The following CRYGN variants were observed in gnomAD, a reference collection of about 807,000 sequenced individuals.
The protein encoded by CRYGN is crystallin gamma N, also known as gamma-crystallin N.
CRYGN carries 17 observed loss-of-function variants against 19.2 expected under a neutral mutation model. The observed-to-expected ratio is 0.89, with a 90% confidence interval of 0.61 to 1.33. The LOEUF is 1.33. Ranked by LOEUF, CRYGN falls within the 40% of genes most tolerant of loss-of-function variation. The pLI, the probability that CRYGN is intolerant of heterozygous loss-of-function variation, is 0.00. For missense variants in CRYGN, 239 were observed against 239.6 expected (o/e 1.00, Z 0.02); for synonymous variants, 84 against 85.8 (o/e 0.98, Z 0.12).
Position 151,430,050 on chromosome 7 carries a change from A to C in CRYGN, c.547T>G (p.Ter183GlyextTer35). Residue 183 changes from the stop codon to glycine (G), a stop_lost, in exon 4 of 4, where the codon TGA becomes GGA. Coordinates refer to ENST00000337323, the MANE Select transcript of CRYGN (RefSeq NM_144727.3). This position sits in a 1 kb window ranked among gnomAD's most constrained non-coding sequence, Gnocchi z 5.2. ...TQPPFLTANL[*>G] ...TTACATGTCAATCGGTTCCAGGCTCAGAGGTTTGCAGTCAGGAAAGGTGGC... is the reference window on the plus strand; with the variant it reads ...TTACATGTCAATCGGTTCCAGGCTCCGAGGTTTGCAGTCAGGAAAGGTGGC... The C allele has an allele frequency of 9.6e-7, 1 of 1,040,874 alleles. No individual in the cohort carries two copies. Among genetic ancestry groups the C allele is most frequent in the Non-Finnish European group, 1.5e-6 (1 of 655,934 alleles). The allele number at this position is 1,040,874 out of a possible 1,614,324, so 64.5% of individuals were successfully genotyped here. A position where few individuals can be genotyped will look rare whatever the true frequency, so the allele number is the denominator to read the frequency against.
chr7:151,429,986 A>C lies in CRYGN; in HGVS notation c.*62T>G, dbSNP rs1056905881. The C allele has an allele frequency of 1.3e-6, 1 of 794,154 alleles. No homozygotes were observed. The highest frequency in any genetic ancestry group is 1.7e-5 in the African/African-American group (1 of 59,304). 49.2% of individuals were successfully genotyped at this position (794,154 alleles called of 1,614,324 possible). On this transcript the variant is annotated 3_prime_UTR_variant, in exon 4 of 4. Coordinates refer to ENST00000337323, the MANE Select transcript of CRYGN (RefSeq NM_144727.3). Reference sequence around the variant, plus strand: ...AATGAAAACTGAGGGCATGATTTTAAGTAAACACTCTCCCGGCTCAGAAAC... The same window carrying C: ...AATGAAAACTGAGGGCATGATTTTACGTAAACACTCTCCCGGCTCAGAAAC...
At position 151,436,363 on chromosome 7, in the gene CRYGN, T is replaced by G; in HGVS notation, c.271-38A>C. 27 of 1,396,060 alleles carry G rather than the reference T, an allele frequency of 1.9e-5. No individual in the cohort carries two copies. The highest frequency in any genetic ancestry group is 5.3e-5 in the East Asian group (2 of 37,920). The allele number at this position is 1,396,060 out of a possible 1,614,324, so 86.5% of individuals were successfully genotyped here. A position where few individuals can be genotyped will look rare whatever the true frequency, so the allele number is the denominator to read the frequency against. ...GCAAAAAAGAAGGAAAGAAGGAGGT[T>G]GCTGTGAATTCCCCTCTCCCAGAAA... is the stretch of plus-strand genomic sequence containing the variant. On this transcript the variant is annotated intron_variant, in intron 2 of 3. Coordinates refer to ENST00000337323, the MANE Select transcript of CRYGN (RefSeq NM_144727.3). This position sits in a 1 kb window ranked among gnomAD's most constrained non-coding sequence, Gnocchi z 5.1.
chr7:151,432,031 G>T (rs1801480510), intron 3 of CRYGN: 1 of 432,904 alleles, frequency 2.3e-6, no homozygotes. Context: ...AGAGCACTCA[G>T]AAGCCGCCCG....
In CRYGN at chr7:151,429,734, G is replaced by T. The variant is rs1044286384; in HGVS notation, c.*314C>A. 1 of 413,454 alleles carries T rather than the reference G, an allele frequency of 2.4e-6. No individual in the cohort carries two copies. Among genetic ancestry groups the T allele is most frequent in the Non-Finnish European group, 4.5e-6 (1 of 224,158 alleles). The allele number at this position is 413,454 out of a possible 1,614,324, so 25.6% of individuals were successfully genotyped here. ...TACTACAGAGCCTGGCATTAAGTCAGTGCTCCATAAATATTCATCAACATC... is the reference window on the plus strand; with the variant it reads ...TACTACAGAGCCTGGCATTAAGTCATTGCTCCATAAATATTCATCAACATC... On this transcript the variant is annotated 3_prime_UTR_variant, in exon 4 of 4. Transcript: ENST00000337323.
intron 2 of CRYGN, chr7:151,437,763 G>C (rs928617079): frequency 2.0e-5 from 26 of 1,309,854 alleles, no homozygotes; most frequent in Non-Finnish European, 1.4e-5. Context: ...AACTTAAAGT[G>C]GTTTATTGAT....
chr7:151,436,360 G>GCA lies in CRYGN; in HGVS notation c.271-36_271-35insTG. Reference sequence around the variant, plus strand: ...CAAGCAAAAAAGAAGGAAAGAAGGAGGTTGCTGTGAATTCCCCTCTCCCAG... The same window carrying GCA: ...CAAGCAAAAAAGAAGGAAAGAAGGAGCAGTTGCTGTGAATTCCCCTCTCCCAG... On this transcript the variant is annotated intron_variant, in intron 2 of 3. Transcript: ENST00000337323. The surrounding 1 kb of genome is among the most constrained non-coding windows in gnomAD (Gnocchi z 5.1). 2 of 1,397,366 alleles carry GCA rather than the reference G, an allele frequency of 1.4e-6. No individual in the cohort carries two copies. Among genetic ancestry groups the GCA allele is most frequent in the Non-Finnish European group, 1.9e-6 (2 of 1,037,654 alleles). The allele number at this position is 1,397,366 out of a possible 1,614,324, so 86.6% of individuals were successfully genotyped here. A position where few individuals can be genotyped will look rare whatever the true frequency, so the allele number is the denominator to read the frequency against.
At position 151,436,168 on chromosome 7, in the gene CRYGN, G is replaced by GCCTGTACT. The variant is rs1436709893; in HGVS notation, c.416+4_416+11dup. 1 of 1,459,730 alleles carries GCCTGTACT rather than the reference G, an allele frequency of 6.9e-7. No individual in the cohort carries two copies. Among genetic ancestry groups the GCCTGTACT allele is most frequent in the Non-Finnish European group, 9.1e-7 (1 of 1,097,858 alleles). The allele number at this position is 1,459,730 out of a possible 1,614,324, so 90.4% of individuals were successfully genotyped here. A position where few individuals can be genotyped will look rare whatever the true frequency, so the allele number is the denominator to read the frequency against. ...CCGGGCCTCGGGGTGCGGCCACGTG[G>GCCTGTACT]CCTGTACTCACGCTCCGTCCCCGTA... On this transcript the variant is annotated intron_variant, in intron 3 of 3. Transcript: ENST00000337323. The surrounding 1 kb of genome is among the most constrained non-coding windows in gnomAD (Gnocchi z 5.1).
rs1048734189 is a variant in CRYGN, at chr7:151,433,937, C to T, written c.416+2243G>A. Among the ~76,000 whole-genome samples, 6 of 152,084 alleles carry T rather than the reference C, an allele frequency of 3.9e-5. No homozygotes were observed. Among genetic ancestry groups the T allele is most frequent in the Admixed American group, 6.5e-5 (1 of 15,278 alleles). ...GGCAGAACGCCAGTGCATTTCCCTC[C>T]GAGAGCCCACCAGGACACGGGTCTG... On this transcript the variant is annotated intron_variant, in intron 3 of 3. Coordinates refer to ENST00000337323, the MANE Select transcript of CRYGN (RefSeq NM_144727.3). The surrounding 1 kb of genome is among the most constrained non-coding windows in gnomAD (Gnocchi z 5.1).
intron 1 of CRYGN, chr7:151,439,268 A>AT (rs1789979825): frequency 6.6e-6 from 1 of 152,312 alleles, no homozygotes; most frequent in South Asian, 2.1e-4. Flanking sequence ...CACCTGGCCC[A>AT]TGCAGACTGA....
chr7:151,429,752 TCAA>T lies in CRYGN; in HGVS notation c.*293_*295del. 1 of 457,506 alleles carries T rather than the reference TCAA, an allele frequency of 2.2e-6. No individual in the cohort carries two copies. Among genetic ancestry groups the T allele is most frequent in the East Asian group, 4.3e-5 (1 of 23,510 alleles). 28.3% of individuals were successfully genotyped at this position (457,506 alleles called of 1,614,324 possible). A position where few individuals can be genotyped will look rare whatever the true frequency, so the allele number is the denominator to read the frequency against. On this transcript the variant is annotated 3_prime_UTR_variant, in exon 4 of 4. Transcript: ENST00000337323. ...TAAGTCAGTGCTCCATAAATATTCA[TCAA>T]CATCATCACCATCATCAGCTGTGGG... is the stretch of plus-strand genomic sequence containing the variant.
intron 2 of CRYGN, among the ~76,000 whole-genome samples, chr7:151,437,096 C>T (rs1801630693): frequency 6.6e-6 from 1 of 152,132 alleles, no homozygotes; most frequent in South Asian, 2.1e-4. Context: ...CCAAATGGAC[C>T]ACAGCCTGGA....
rs1801411699 is a variant in CRYGN, at chr7:151,429,155, G to T, written c.*893C>A. The T allele has an allele frequency of 6.6e-6, 1 of 152,538 alleles. No homozygotes were observed. Among genetic ancestry groups the T allele is most frequent in the Non-Finnish European group, 1.5e-5 (1 of 68,052 alleles). 9.4% of individuals were successfully genotyped at this position (152,538 alleles called of 1,614,324 possible). Reference sequence around the variant, plus strand: ...TTAATTGCCTATGAGGGGGCGGAATGATTACCACTGCTGTACGTCTGAAGA... The same window carrying T: ...TTAATTGCCTATGAGGGGGCGGAATTATTACCACTGCTGTACGTCTGAAGA... On this transcript the variant is annotated 3_prime_UTR_variant, in exon 4 of 4. Transcript: ENST00000337323.
Position 151,435,833 on chromosome 7 carries a change from C to T in CRYGN, c.416+347G>A, listed in dbSNP as rs532739202. Among the ~76,000 whole-genome samples, 9 of 152,252 alleles carry T rather than the reference C, an allele frequency of 5.9e-5. No homozygotes were observed. Among genetic ancestry groups the T allele is most frequent in the South Asian group, 2.1e-4 (1 of 4,820 alleles). ...TCCCCCGGTTCAAGAAAACCAAAGG[C>T]GGCCCCTTGTATCAGATCAATCGCA... On this transcript the variant is annotated intron_variant, in intron 3 of 3. Coordinates refer to ENST00000337323, the MANE Select transcript of CRYGN (RefSeq NM_144727.3). This position sits in a 1 kb window ranked among gnomAD's most constrained non-coding sequence, Gnocchi z 4.2.
rs1197884005 is a variant in CRYGN, at chr7:151,437,725, G to C, written c.270+271C>G. 4.0e-6 allele frequency: 4 copies of C among 1,011,966 alleles called. No homozygotes were observed. The African/African-American group carries it at 6.5e-5, about 16-fold the overall frequency. The allele number at this position is 1,011,966 out of a possible 1,614,324, so 62.7% of individuals were successfully genotyped here. On this transcript the variant is annotated intron_variant, in intron 2 of 3. Coordinates refer to ENST00000337323, the MANE Select transcript of CRYGN (RefSeq NM_144727.3). ...GATGATTTCAACAGCATTTTAAATG[G>C]AAAATGCAGCTAGATTTTTGGCTCC... is the stretch of plus-strand genomic sequence containing the variant.
intron 2 of CRYGN, chr7:151,437,015 G>A (rs986667306): frequency 2.0e-5 from 3 of 152,148 alleles, no homozygotes; most frequent in Non-Finnish European, 4.4e-5. Context: ...CAGTTCGCAA[G>A]ATACCAAGGA....
Position 151,440,018 on chromosome 7 carries a change from C to T in CRYGN, c.-101G>A. ...AAGATTTGCTGGGCCGGCCCCGGAG[C>T]GTTAGTGCTGTCGGGCGTGCTAAGC... is the stretch of plus-strand genomic sequence containing the variant. On this transcript the variant is annotated 5_prime_UTR_variant, in exon 1 of 4. Coordinates refer to ENST00000337323, the MANE Select transcript of CRYGN (RefSeq NM_144727.3). 1 of 1,401,092 alleles carries T rather than the reference C, an allele frequency of 7.1e-7. No individual in the cohort carries two copies. Among genetic ancestry groups the T allele is most frequent in the Non-Finnish European group, 9.3e-7 (1 of 1,074,730 alleles). 86.8% of individuals were successfully genotyped at this position (1,401,092 alleles called of 1,614,324 possible). A position where few individuals can be genotyped will look rare whatever the true frequency, so the allele number is the denominator to read the frequency against.
chr7:151,437,856 C>A, intron 2 of CRYGN, 140 bp downstream of exon 2: 1 of 1,521,906 alleles, frequency 6.6e-7, no homozygotes, highest in South Asian at 1.2e-5. Context: ...CAGCAGGTGG[C>A]TCTGGGTATA....
intron 2 of CRYGN, 164 bp downstream of exon 2, chr7:151,437,832 T>G (rs904927695): frequency 6.7e-7 from 1 of 1,493,150 alleles, no homozygotes; most frequent in South Asian, 1.3e-5. Flanking sequence ...GCCCCCCACC[T>G]ACTCACCTCA....
chr7:151,437,730 T>C, intron 2 of CRYGN: 1 of 1,037,864 alleles, frequency 9.6e-7, no homozygotes. Context: ...AAATGGAAAA[T>C]GCAGCTAGAT....
Sources: gnomAD v4.1 joint callset for allele counts (sites outside exome capture counted in the v4.1 genomes callset) on GRCh38, gnomAD v4.1.1 for gene constraint, Gnocchi (gnomAD v3.1) non-coding constraint, MANE v1.5 for transcripts, NCBI Gene and HGNC (gene_info 2026-07-23, HGNC 2026-07-21) for gene names.